The following OMA1 variants were observed in gnomAD, a reference collection of about 807,000 sequenced individuals.
OMA1 encodes the protein OMA1 zinc metallopeptidase, also known as metalloendopeptidase OMA1, mitochondrial.
Under a neutral mutation model 30.9 loss-of-function variants are expected in OMA1, and 38 were observed. The ratio of observed to expected loss-of-function variants is 1.23; its 90% CI spans 0.95 to 1.61. The LOEUF (loss-of-function observed/expected upper bound fraction) is 1.61, where lower values mean the gene tolerates loss of function less well. OMA1 is among the 40% of genes most tolerant of loss of function. The pLI, the probability that OMA1 is intolerant of heterozygous loss-of-function variation, is 0.00. For missense variants in OMA1, 461 were observed against 349.2 expected (o/e 1.32, Z -2.55); for synonymous variants, 173 against 121.9 (o/e 1.42, Z -2.76).
At position 58,499,477 on chromosome 1, in the gene OMA1, T is replaced by TATAGATAGATAGATAGATAGATAGATAG. The variant is rs60917151; in HGVS notation, c.1365+6555_1365+6582dup. On this transcript the variant is annotated intron_variant, in intron 8 of 8. Transcript: ENST00000371226. ...TCCAGCCTAGGGAACAAAGCCAGACTATAGATAGATAGATAGATAGATAGA... is the reference window on the plus strand; with the variant it reads ...TCCAGCCTAGGGAACAAAGCCAGACTATAGATAGATAGATAGATAGATAGATAGATAGATAGATAGATAGATAGATAGA... 4.0e-3 allele frequency among the ~76,000 whole-genome samples: 568 copies of TATAGATAGATAGATAGATAGATAGATAG among 143,764 alleles called. 2 individuals carry two copies. The highest frequency in any genetic ancestry group is 7.6e-3 in the African/African-American group (291 of 38,196). The allele number at this position is 143,764 out of a possible 152,430, so 94.3% of individuals were successfully genotyped here. A position where few individuals can be genotyped will look rare whatever the true frequency, so the allele number is the denominator to read the frequency against.
In OMA1 at chr1:58,536,608, T is replaced by A; in HGVS notation, c.634A>T (p.Thr212Ser). The change falls in exon 3 of 9, where the codon ACT becomes TCT. Residue 212 changes from threonine (T) to serine (S), a missense_variant. Physicochemically the swap from Thr to Ser is moderately conservative, Grantham distance 58 (BLOSUM62 1). Coordinates refer to ENST00000371226, the MANE Select transcript of OMA1 (RefSeq NM_145243.5). ...FGLLFVVFYF[T>S]HLEVSPITGR... ...GTGATTGGACTTACTTCCAGGTGAG[T>A]AAAATAAAACACCACAAAGAGCAAT... 1 of 872,790 alleles carries A rather than the reference T, an allele frequency of 1.1e-6. No individual in the cohort carries two copies. Among genetic ancestry groups the A allele is most frequent in the Non-Finnish European group, 2.0e-6 (1 of 501,606 alleles). The allele number at this position is 872,790 out of a possible 1,614,324, so 54.1% of individuals were successfully genotyped here. A position where few individuals can be genotyped will look rare whatever the true frequency, so the allele number is the denominator to read the frequency against.
intron 8 of OMA1, among the ~76,000 whole-genome samples, chr1:58,481,771 C>T (rs538683401): frequency 6.2e-4 from 94 of 152,082 alleles, no homozygotes; most frequent in Non-Finnish European, 1.1e-3. Context: ...TTAAGTCTCA[C>T]GAGATCTGAT....
At chr1:58,493,001 A>C (rs1276357427) in intron 8 of OMA1, among the ~76,000 whole-genome samples, 1 of 152,266 alleles carries the variant, frequency 6.6e-6, no homozygotes, top group South Asian at 2.1e-4. Flanking sequence ...GATGAACATC[A>C]ATGCAAAAAT....
intron 1 of OMA1, among the ~76,000 whole-genome samples, chr1:58,543,881 G>A (rs1646660847): frequency 6.6e-6 from 1 of 152,144 alleles, no homozygotes; most frequent in African/African-American, 2.4e-5. Context: ...GTCCAATAAG[G>A]TAGCCCCTAC....
At chr1:58,503,323 C>T (rs1645937601) in intron 8 of OMA1, among the ~76,000 whole-genome samples, 1 of 152,180 alleles carries the variant, frequency 6.6e-6, no homozygotes, top group Admixed American at 6.5e-5. Flanking sequence ...CAGTGATCCT[C>T]AGTACAAGTC....
At chr1:58,523,096 T>C (rs917265021) in intron 7 of OMA1, among the ~76,000 whole-genome samples, 4 of 152,238 alleles carry the variant, frequency 2.6e-5, no homozygotes, top group African/African-American at 9.6e-5. Context: ...CTATGTCTTT[T>C]CTACCTGGCA....
chr1:58,490,283 T>C (rs1381207606), intron 8 of OMA1, among the ~76,000 whole-genome samples: 3 of 152,134 alleles, frequency 2.0e-5, no homozygotes, highest in Non-Finnish European at 4.4e-5. Flanking sequence ...GCACAAGAAC[T>C]ACGTGACGAA....
intron 8 of OMA1, among the ~76,000 whole-genome samples, chr1:58,482,548 G>A (rs1040430581): frequency 2.0e-5 from 3 of 151,840 alleles, no homozygotes; most frequent in African/African-American, 4.9e-5. Context: ...AGTTTTTTAC[G>A]ACTTCTGGCT....
intron 8 of OMA1, among the ~76,000 whole-genome samples, chr1:58,495,911 C>G (rs1299148115): frequency 6.6e-6 from 1 of 152,094 alleles, no homozygotes; most frequent in African/African-American, 2.4e-5. Flanking sequence ...ACCTAGGTAG[C>G]TTGTAAAAGC....
intron 7 of OMA1, among the ~76,000 whole-genome samples, chr1:58,517,827 A>T (rs892380372): frequency 2.0e-5 from 3 of 151,990 alleles, no homozygotes; most frequent in Admixed American, 2.0e-4. Context: ...GGGATTGGTC[A>T]GGTGAGAAAG....
At chr1:58,540,715 T>TA (rs146864305) in intron 1 of OMA1, among the ~76,000 whole-genome samples, 22,647 of 147,922 alleles carry the variant, frequency 0.15, 1,933 homozygotes, top group Admixed American at 0.26. Context: ...AATACAATAA[T>TA]AAAAAAAGGC....
At chr1:58,488,771 T>C (rs1645621605) in intron 8 of OMA1, among the ~76,000 whole-genome samples, 2 of 152,194 alleles carry the variant, frequency 1.3e-5, no homozygotes, top group South Asian at 4.1e-4. Context: ...TCTTTTACCC[T>C]CACCCACTTC....
intron 8 of OMA1, among the ~76,000 whole-genome samples, chr1:58,490,778 G>C (rs1001518245): frequency 1.3e-5 from 2 of 149,976 alleles, no homozygotes; most frequent in African/African-American, 4.9e-5. Flanking sequence ...AGAGAGTGGG[G>C]GCCAATAGTC....
At chr1:58,527,431 A>T in intron 6 of OMA1, 96 bp from the exon 7 acceptor site, 1 of 695,658 alleles carries the variant, frequency 1.4e-6, no homozygotes, top group Non-Finnish European at 2.6e-6. Context: ...TTCATGGAGT[A>T]TCTAGGATAA....
chr1:58,508,127 T>C (rs1451779897), intron 7 of OMA1, among the ~76,000 whole-genome samples: 3 of 152,154 alleles, frequency 2.0e-5, no homozygotes, highest in Non-Finnish European at 2.9e-5. Flanking sequence ...AGAAATTAAT[T>C]ATCCCTACAG....
chr1:58,539,204 A>T lies in OMA1; in HGVS notation c.91T>A (p.Leu31Ile). 1.1e-6 allele frequency: 1 copy of T among 872,906 alleles called. No homozygotes were observed. The highest frequency in any genetic ancestry group is 1.3e-5 in the South Asian group (1 of 76,526). 54.1% of individuals were successfully genotyped at this position (872,906 alleles called of 1,614,324 possible). ...SLSNWRKCNT[L>I]ASTSRGCHQV... is the part of the protein sequence containing the mutation. ...TGACAGCCCCGTGAGGTGGATGCTA[A>T]TGTGTTACATTTTCTCCAGTTAGAC... Residue 31 changes from leucine (L) to isoleucine (I), a missense_variant, in exon 2 of 9, where the codon TTA (leucine) becomes ATA (isoleucine). By Grantham distance (5) the Leu-to-Ile change is conservative. Transcript: ENST00000371226.
chr1:58,518,271 A>G (rs368878264), intron 7 of OMA1, among the ~76,000 whole-genome samples: 227 of 1,122 alleles, frequency 0.2, 66 homozygotes, highest in Non-Finnish European at 0.33. Flanking sequence ...GAGAGGAGAG[A>G]GGAGAGGAGA....
intron 7 of OMA1, among the ~76,000 whole-genome samples, chr1:58,524,026 CA>C (rs1412300497): frequency 6.6e-6 from 1 of 152,154 alleles, no homozygotes; most frequent in Non-Finnish European, 1.5e-5. Context: ...GCTTTACAAC[CA>C]AAAGACTGGC....
At chr1:58,512,983 A>C (rs951747329) in intron 7 of OMA1, among the ~76,000 whole-genome samples, 6 of 152,214 alleles carry the variant, frequency 3.9e-5, no homozygotes, top group African/African-American at 1.4e-4. Flanking sequence ...CACAAGTCTA[A>C]TTCTTTTGCT....
Sources: allele counts gnomAD v4.1 joint callset (sites outside exome capture counted in the v4.1 genomes callset), GRCh38; gene constraint gnomAD v4.1.1; transcripts MANE v1.5; gene names NCBI Gene and HGNC (gene_info 2026-07-23, HGNC 2026-07-21).